The following LRRC49 variants were observed in gnomAD, a reference collection of about 807,000 sequenced individuals.
LRRC49 encodes the protein leucine-rich repeat-containing protein 49.
LRRC49 carries 50 observed loss-of-function variants against 83.3 expected under a neutral mutation model. That is an observed-to-expected ratio of 0.60 (90% CI 0.48 to 0.76). The LOEUF is 0.76. Among genes scored for constraint, LRRC49 ranks in the 30% least tolerant of loss-of-function variants. The probability of loss-of-function intolerance (pLI) is 0.00; values close to 1 mark genes in which losing one functional copy is unlikely to be tolerated. For synonymous variants in LRRC49, 286 were observed against 283.3 expected (o/e 1.01, Z -0.10); for missense variants, 704 against 809.1 (o/e 0.87, Z 1.58).
At chr15:71,044,581 G>A (rs1440246807) in intron 15 of LRRC49, among the ~76,000 whole-genome samples, 1 of 152,122 alleles carries the variant, frequency 6.6e-6, no homozygotes, top group Non-Finnish European at 1.5e-5. Flanking sequence ...TTGAGTTCAA[G>A]AGTTTGAGAC....
intron 3 of LRRC49, chr15:70,900,688 C>A (rs2034035391): frequency 2.1e-6 from 1 of 475,596 alleles, no homozygotes; most frequent in South Asian, 1.9e-5. Context: ...TACTTTCAAC[C>A]AATCTGTAAG....
At chr15:70,975,598 C>A (rs2037176547) in intron 9 of LRRC49, among the ~76,000 whole-genome samples, 1 of 152,106 alleles carries the variant, frequency 6.6e-6, no homozygotes, top group South Asian at 2.1e-4. Context: ...GGGACTGAGG[C>A]AGGAGGATCG....
intron 11 of LRRC49, among the ~76,000 whole-genome samples, chr15:70,989,607 A>G (rs941276645): frequency 1.3e-5 from 2 of 152,062 alleles, no homozygotes; most frequent in Non-Finnish European, 2.9e-5. Context: ...TAGTTTGATC[A>G]TCTGAAGCCT....
At chr15:70,907,996 G>A (rs2034389604) in intron 5 of LRRC49, 1 of 455,908 alleles carries the variant, frequency 2.2e-6, no homozygotes, top group Admixed American at 2.4e-5. Flanking sequence ...AATTGGGTAA[G>A]TTTTTAGGTC....
chr15:70,917,246 C>T (rs1054005961), intron 6 of LRRC49, among the ~76,000 whole-genome samples: 2 of 152,200 alleles, frequency 1.3e-5, no homozygotes, highest in Non-Finnish European at 2.9e-5. Flanking sequence ...AGACAGTTGC[C>T]TGAGCAGAAG....
intron 3 of LRRC49, chr15:70,898,345 A>G (rs2033922586): frequency 2.9e-6 from 2 of 685,072 alleles, no homozygotes; most frequent in Non-Finnish European, 5.3e-6. Flanking sequence ...TAATTTGTCT[A>G]TTGATTGCCT....
chr15:70,872,881 A>C, intron 1 of LRRC49: 1 of 234,730 alleles, frequency 4.3e-6, no homozygotes, highest in Non-Finnish European at 8.7e-6. Flanking sequence ...AACTTGACAT[A>C]ACTTTTTTTT....
intron 8 of LRRC49, among the ~76,000 whole-genome samples, chr15:70,941,494 G>T (rs1194125843): frequency 7.0e-6 from 1 of 143,490 alleles, no homozygotes; most frequent in Non-Finnish European, 1.5e-5. Flanking sequence ...GGGTAGTAGA[G>T]AGTAAAAAAA....
At chr15:70,998,940 C>A (rs1456174173) in intron 11 of LRRC49, among the ~76,000 whole-genome samples, 1 of 152,088 alleles carries the variant, frequency 6.6e-6, no homozygotes, top group Non-Finnish European at 1.5e-5. Context: ...TTTACTGATT[C>A]TTTCTTCTGC....
At chr15:70,989,511 G>A (rs1235046130) in intron 11 of LRRC49, among the ~76,000 whole-genome samples, 2 of 152,054 alleles carry the variant, frequency 1.3e-5, no homozygotes, top group Non-Finnish European at 2.9e-5. Context: ...TCTCTGTATT[G>A]GTTATTCTAG....
At chr15:70,853,832 C>A in intron 1 of LRRC49, 1 of 1,177,140 alleles carries the variant, frequency 8.5e-7, no homozygotes, top group Non-Finnish European at 1.1e-6. Context: ...GCCCCGAACT[C>A]GCGCGCGGCC....
intron 14 of LRRC49, among the ~76,000 whole-genome samples, chr15:71,022,787 G>T (rs2039034566): frequency 6.6e-6 from 1 of 152,134 alleles, no homozygotes; most frequent in African/African-American, 2.4e-5. Context: ...GATATAAAAT[G>T]CTTGAATAAT....
At chr15:70,875,600 C>T (rs552422638) in intron 2 of LRRC49, among the ~76,000 whole-genome samples, 1 of 152,298 alleles carries the variant, frequency 6.6e-6, no homozygotes, top group Non-Finnish European at 1.5e-5. Flanking sequence ...AATATCCTTT[C>T]CTGCCTCTAG....
intron 9 of LRRC49, among the ~76,000 whole-genome samples, chr15:70,968,556 GC>G (rs1473795240): frequency 6.6e-6 from 1 of 152,086 alleles, no homozygotes; most frequent in East Asian, 1.9e-4. Flanking sequence ...AGGAATTGCT[GC>G]ACTGTCTTCC....
intron 7 of LRRC49, among the ~76,000 whole-genome samples, chr15:70,919,813 A>G (rs1036735529): frequency 2.0e-5 from 3 of 152,190 alleles, no homozygotes; most frequent in Admixed American, 2.0e-4. Flanking sequence ...CTGAAAAAAG[A>G]CATGAAGATG....
intron 8 of LRRC49, among the ~76,000 whole-genome samples, chr15:70,962,042 C>T (rs1455705133): frequency 6.6e-6 from 1 of 152,110 alleles, no homozygotes; most frequent in Admixed American, 6.6e-5. Context: ...GCCTGTAAGA[C>T]TAAATGGAAA....
At chr15:71,035,485 A>G (rs1460591231) in intron 14 of LRRC49, among the ~76,000 whole-genome samples, 1 of 152,018 alleles carries the variant, frequency 6.6e-6, no homozygotes, top group Non-Finnish European at 1.5e-5. Context: ...TCCTAATGGT[A>G]TCCCTGCCCT....
chr15:70,929,827 A>C (rs1005965790), intron 7 of LRRC49, among the ~76,000 whole-genome samples: 2 of 152,194 alleles, frequency 1.3e-5, no homozygotes, highest in Non-Finnish European at 2.9e-5. Context: ...ATCCGTAAGA[A>C]GTGACTCCTC....
chr15:70,901,070 A>G (rs745378836), intron 4 of LRRC49, 46 bp downstream of exon 4: 15 of 1,117,358 alleles, frequency 1.3e-5, no homozygotes, highest in Non-Finnish European at 2.0e-5. Context: ...TAGGTAATAC[A>G]TAGACGTGGT....
Sources: allele counts gnomAD v4.1 joint callset (sites outside exome capture counted in the v4.1 genomes callset), GRCh38; gene constraint gnomAD v4.1.1; transcripts MANE v1.5; gene names NCBI Gene and HGNC (gene_info 2026-07-23, HGNC 2026-07-21).